Variants in RNF121 observed in about 807,000 individuals in gnomAD.
RNF121 encodes E3 ubiquitin ligase RNF121.
In RNF121, 21 loss-of-function variants were observed where a neutral mutation model predicts 46.5. The observed-to-expected ratio is 0.45, with a 90% CI of 0.32 to 0.65. RNF121 has a LOEUF of 0.65. Ranked by LOEUF, RNF121 falls within the 30% of genes least tolerant of loss-of-function variation. RNF121 has a pLI of 0.04. For missense variants in RNF121, 346 were observed against 416.0 expected (o/e 0.83, Z 1.46); for synonymous variants, 139 against 144.7 (o/e 0.96, Z 0.28).
chr11:71,946,050 G>T (rs1346526223), intron 1 of RNF121, among the ~76,000 whole-genome samples: 4 of 152,078 alleles, frequency 2.6e-5, no homozygotes, highest in African/African-American at 9.7e-5. Flanking sequence ...GGTTGAGGCT[G>T]CAGTGAGTTA....
At chr11:71,949,940 G>T (rs975095209) in intron 1 of RNF121, among the ~76,000 whole-genome samples, 2 of 151,980 alleles carry the variant, frequency 1.3e-5, no homozygotes, top group African/African-American at 4.8e-5. Flanking sequence ...GGCAGACGTT[G>T]CAGTGAGCCA....
At chr11:71,990,105 TAA>T (rs555381805) in intron 5 of RNF121, among the ~76,000 whole-genome samples, 26 of 152,232 alleles carry the variant, frequency 1.7e-4, no homozygotes, top group Admixed American at 5.2e-4. Flanking sequence ...GCCACCGGAG[TAA>T]TTTTCAGTCT....
At chr11:71,949,600 C>T (rs1953813345) in intron 1 of RNF121, among the ~76,000 whole-genome samples, 1 of 152,098 alleles carries the variant, frequency 6.6e-6, no homozygotes, top group African/African-American at 2.4e-5. Context: ...TCTATAATCC[C>T]AGCTACTTGG....
intron 4 of RNF121, among the ~76,000 whole-genome samples, chr11:71,984,154 A>T (rs1431716530): frequency 6.6e-6 from 1 of 152,264 alleles, no homozygotes; most frequent in Non-Finnish European, 1.5e-5. Flanking sequence ...GGGTGATAAG[A>T]TGATATGAAG....
chr11:71,930,026 T>C (rs1485627132), intron 1 of RNF121, among the ~76,000 whole-genome samples: 1 of 152,222 alleles, frequency 6.6e-6, no homozygotes, highest in Non-Finnish European at 1.5e-5. Context: ...CTAATAGGCA[T>C]TTAAAGACTG....
intron 3 of RNF121, among the ~76,000 whole-genome samples, chr11:71,974,465 C>T (rs1483117815): frequency 1.3e-5 from 2 of 152,200 alleles, no homozygotes; most frequent in East Asian, 3.8e-4. Context: ...AACCTCCTAA[C>T]AGCTCTGTAA....
intron 6 of RNF121, among the ~76,000 whole-genome samples, chr11:71,991,182 A>T (rs1383841726): frequency 2.0e-5 from 3 of 152,094 alleles, no homozygotes; most frequent in Non-Finnish European, 4.4e-5. Context: ...CAGTATGCCC[A>T]TGTAACAAAC....
chr11:71,989,596 C>A (rs888856624), intron 5 of RNF121, among the ~76,000 whole-genome samples: 2 of 151,486 alleles, frequency 1.3e-5, no homozygotes, highest in Non-Finnish European at 2.9e-5. Context: ...TAACTAAGCA[C>A]ATACATACGG....
At chr11:71,989,783 G>T (rs1426391307) in intron 5 of RNF121, among the ~76,000 whole-genome samples, 1 of 152,040 alleles carries the variant, frequency 6.6e-6, no homozygotes, top group Non-Finnish European at 1.5e-5. Context: ...ATATGATACA[G>T]ATTATTTATA....
At chr11:71,965,190 A>G (rs1034316748) in intron 3 of RNF121, among the ~76,000 whole-genome samples, 10 of 151,892 alleles carry the variant, frequency 6.6e-5, no homozygotes, top group South Asian at 2.1e-4. Context: ...ACCTAATACT[A>G]TCTCTCAAAT....
chr11:71,951,191 A>G (rs1953868783), intron 1 of RNF121, among the ~76,000 whole-genome samples: 1 of 137,036 alleles, frequency 7.3e-6, no homozygotes, highest in East Asian at 2.1e-4. Flanking sequence ...GCCATTGCAC[A>G]AGAGCAAAAC....
chr11:71,951,424 T>A (rs1246107737), intron 1 of RNF121, among the ~76,000 whole-genome samples: 1 of 151,966 alleles, frequency 6.6e-6, no homozygotes, highest in African/African-American at 2.4e-5. Context: ...GAGCGAGATA[T>A]AATCCTAGCC....
chr11:71,946,104 C>CT (rs1253532009), intron 1 of RNF121, among the ~76,000 whole-genome samples: 35 of 151,298 alleles, frequency 2.3e-4, no homozygotes, highest in African/African-American at 8.2e-4. Flanking sequence ...GAGTAAGACT[C>CT]TGCCTTAAAA....
intron 1 of RNF121, among the ~76,000 whole-genome samples, chr11:71,943,347 A>G (rs1005152390): frequency 6.6e-6 from 1 of 152,242 alleles, no homozygotes; most frequent in Admixed American, 6.5e-5. Flanking sequence ...AGTTGGAAAT[A>G]CGAGCTTATA....
chr11:71,981,794 A>G (rs996140595), intron 3 of RNF121, among the ~76,000 whole-genome samples: 1 of 152,198 alleles, frequency 6.6e-6, no homozygotes, highest in Non-Finnish European at 1.5e-5. Context: ...TTGAGGACAT[A>G]TCATATGCCA....
intron 1 of RNF121, among the ~76,000 whole-genome samples, chr11:71,931,009 T>A (rs1024217655): frequency 6.6e-6 from 1 of 152,050 alleles, no homozygotes; most frequent in Non-Finnish European, 1.5e-5. Flanking sequence ...ATTTTTTGTA[T>A]TTTTAGTAGA....
At chr11:71,969,484 G>A (rs1286953562) in intron 3 of RNF121, among the ~76,000 whole-genome samples, 2 of 152,092 alleles carry the variant, frequency 1.3e-5, no homozygotes, top group Admixed American at 1.3e-4. Flanking sequence ...AACTTAAGTG[G>A]TATGTTTTCT....
chr11:71,979,360 G>C (rs1002042410), intron 3 of RNF121, among the ~76,000 whole-genome samples: 2 of 152,216 alleles, frequency 1.3e-5, no homozygotes, highest in Non-Finnish European at 2.9e-5. Flanking sequence ...GTTTCAGAAA[G>C]CCTAATCCTG....
At chr11:71,981,610 A>G (rs991064234) in intron 3 of RNF121, among the ~76,000 whole-genome samples, 3 of 152,138 alleles carry the variant, frequency 2.0e-5, no homozygotes, top group African/African-American at 7.2e-5. Context: ...GATGACTTCA[A>G]ATTTCTGTCT....
Sources: gnomAD v4.1 joint callset for allele counts (sites outside exome capture counted in the v4.1 genomes callset) on GRCh38, gnomAD v4.1.1 for gene constraint, MANE v1.5 for transcripts, NCBI Gene and HGNC (gene_info 2026-07-23, HGNC 2026-07-21) for gene names.